PLXDC1: variants seen among roughly 807,000 people sequenced by gnomAD.
The protein encoded by PLXDC1 is plexin domain containing 1, also known as plexin domain-containing protein 1.
Under a neutral mutation model 61.3 loss-of-function variants are expected in PLXDC1, and 39 were observed. The observed-to-expected ratio is 0.64, with a 90% CI of 0.49 to 0.83. PLXDC1 has a LOEUF of 0.83. Ranked by LOEUF, PLXDC1 falls within the 40% of genes least tolerant of loss-of-function variation. PLXDC1 has a pLI of 0.00. For synonymous variants in PLXDC1, 212 were observed against 254.5 expected, an observed-to-expected ratio of 0.83 and a Z score of 1.59; for missense variants, 596 against 666.5, an observed-to-expected ratio of 0.89 and a Z score of 1.17.
rs1362127707 is a variant in PLXDC1 at position 39,112,449 on chromosome 17, TTTTC to T, written c.256-3062_256-3059del. Among the ~76,000 whole-genome samples the T allele has an allele frequency of 3.1e-4, 42 of 137,056 alleles. 1 individual carries two copies. The South Asian group carries it at 9.7e-3, about 32-fold the overall frequency. The allele number at this position is 137,056 out of a possible 152,430, so 89.9% of individuals were successfully genotyped here. ...TAGATGCTATTCAGCCCATCTTTTT[TTTTC>T]TTTCTTTTTTTTTTTTTTTTTTGAG... is the stretch of plus-strand genomic sequence containing the variant. On this transcript the variant is annotated intron_variant, in intron 2 of 13. Coordinates refer to ENST00000315392, the MANE Select transcript of PLXDC1 (RefSeq NM_020405.5).
intron 7 of PLXDC1, among the ~76,000 whole-genome samples, chr17:39,094,205 G>A (rs1910059820): frequency 2.0e-5 from 3 of 152,034 alleles, no homozygotes; most frequent in Non-Finnish European, 4.4e-5. Flanking sequence ...GGGGGCCTGG[G>A]AATATCTAGA....
At chr17:39,133,570 T>C (rs1355844657) in intron 2 of PLXDC1, among the ~76,000 whole-genome samples, 1 of 152,178 alleles carries the variant, frequency 6.6e-6, no homozygotes, top group Non-Finnish European at 1.5e-5. Flanking sequence ...GGCTCTCCTG[T>C]GCTTACATTC....
rs2045369566 is a variant in PLXDC1, at chr17:39,151,108, G to A, written c.76+254C>T. ...GGCCACATAGAGCCCCCTCTCCTAA[G>A]GTCCCTCCAGTATCCTTCCAGGAGA... On this transcript the variant is annotated intron_variant, in intron 1 of 13. Transcript: ENST00000315392. This position sits in a 1 kb window ranked among gnomAD's most constrained non-coding sequence, Gnocchi z 5.2. Among the ~76,000 whole-genome samples the A allele has an allele frequency of 1.3e-5, 2 of 152,164 alleles. No individual in the cohort carries two copies. The highest frequency in any genetic ancestry group is 2.9e-5 in the Non-Finnish European group (2 of 68,020).
intron 4 of PLXDC1, chr17:39,108,660 C>T (rs778429927): frequency 2.8e-5 from 16 of 563,406 alleles, no homozygotes; most frequent in Non-Finnish European, 4.8e-5. Context: ...ACAGGGCTGT[C>T]CACACTGACT....
chr17:39,110,986 T>C (rs1443990072), intron 2 of PLXDC1, among the ~76,000 whole-genome samples: 5 of 152,138 alleles, frequency 3.3e-5, no homozygotes, highest in Admixed American at 6.5e-5. Flanking sequence ...CACCTTGCTC[T>C]GTTCACAGGC....
intron 7 of PLXDC1, 77 bp downstream of exon 7, chr17:39,105,777 T>TC (rs1424649757): frequency 8.1e-6 from 7 of 862,878 alleles, no homozygotes; most frequent in African/African-American, 3.4e-5. Context: ...GCCACTGCCA[T>TC]CCCCCCAGCA....
chr17:39,085,285 C>T (rs1241127041), intron 8 of PLXDC1, among the ~76,000 whole-genome samples: 4 of 152,074 alleles, frequency 2.6e-5, no homozygotes, highest in African/African-American at 7.2e-5. Context: ...TTTTGTCTGC[C>T]GTGGTGTTGA....
At chr17:39,095,778 C>T (rs1359922638) in intron 7 of PLXDC1, among the ~76,000 whole-genome samples, 1 of 152,074 alleles carries the variant, frequency 6.6e-6, no homozygotes, top group African/African-American at 2.4e-5. Flanking sequence ...AATTCTCCTG[C>T]CTCAGCCTCC....
intron 7 of PLXDC1, among the ~76,000 whole-genome samples, chr17:39,095,389 A>ACCCCCCCCCCCCCCCCCC (rs1567759313): frequency 3.6e-4 from 2 of 5,614 alleles, no homozygotes; most frequent in Non-Finnish European, 7.7e-4. Context: ...CAACCCCCCA[A>ACCCCCCCCCCCCCCCCCC]GCCTGGGTTA....
At chr17:39,083,416 A>G in intron 9 of PLXDC1, 43 bp downstream of exon 9, 1 of 1,515,736 alleles carries the variant, frequency 6.6e-7, no homozygotes, top group Non-Finnish European at 9.1e-7. Context: ...CTTCCCCTCC[A>G]CAGTCGGCCA....
chr17:39,139,623 C>T lies in PLXDC1; in HGVS notation c.255+31G>A, dbSNP rs530268100. On this transcript the variant is annotated intron_variant, in intron 2 of 13. Coordinates refer to ENST00000315392, the MANE Select transcript of PLXDC1 (RefSeq NM_020405.5). ...GGTGAGACCTCCCCCACCCCCACTTCGCTCCCCCTCCATGTTCCTCCAGCA... is the reference window on the plus strand; with the variant it reads ...GGTGAGACCTCCCCCACCCCCACTTTGCTCCCCCTCCATGTTCCTCCAGCA... The T allele has an allele frequency of 2.7e-4, 402 of 1,494,668 alleles. 7 individuals are homozygous for T. In the South Asian group the frequency reaches 4.4e-3, roughly 16 times the overall value. The allele number at this position is 1,494,668 out of a possible 1,614,324, so 92.6% of individuals were successfully genotyped here.
chr17:39,086,337 G>T (rs562148425), intron 8 of PLXDC1, among the ~76,000 whole-genome samples: 2 of 152,234 alleles, frequency 1.3e-5, no homozygotes, highest in African/African-American at 4.8e-5. Context: ...ACCCCCTGGT[G>T]TCTGAGTCCT....
intron 7 of PLXDC1, among the ~76,000 whole-genome samples, chr17:39,091,622 T>C (rs1056779841): frequency 8.5e-5 from 13 of 152,080 alleles, no homozygotes; most frequent in African/African-American, 3.1e-4. Flanking sequence ...AGAGAGGAGA[T>C]GAGCTACAGC....
chr17:39,131,104 C>T (rs1055826416), intron 2 of PLXDC1, among the ~76,000 whole-genome samples: 31 of 152,132 alleles, frequency 2.0e-4, no homozygotes, highest in Non-Finnish European at 2.9e-5. Context: ...TAAATCAACT[C>T]TGTGAGATTG....
intron 4 of PLXDC1, 71 bp downstream of exon 4, chr17:39,108,832 AC>A: frequency 2.0e-6 from 2 of 999,092 alleles, no homozygotes; most frequent in Non-Finnish European, 1.6e-6. Flanking sequence ...CCAGTGAGCC[AC>A]CCCTGGGAGG....
rs185316700 is a variant in PLXDC1, at chr17:39,076,776, C to T, written c.1186+1137G>A. 3.0e-3 allele frequency among the ~76,000 whole-genome samples: 452 copies of T among 152,260 alleles called. 3 individuals are homozygous for T. In the Middle Eastern group the frequency reaches 0.041, roughly 14 times the overall value. Reference sequence around the variant, plus strand: ...TCTGAGACAGGGTCTTGCCCTGCCACCCAGGCTGGAGTGCAGTGGCACAAT... The same window carrying T: ...TCTGAGACAGGGTCTTGCCCTGCCATCCAGGCTGGAGTGCAGTGGCACAAT... On this transcript the variant is annotated intron_variant, in intron 11 of 13. Transcript: ENST00000315392.
intron 1 of PLXDC1, chr17:39,144,963 T>C (rs1912050293): frequency 6.6e-6 from 1 of 152,120 alleles, no homozygotes; most frequent in Non-Finnish European, 1.5e-5. Context: ...TCCCATGAAA[T>C]AGTTACTAGT....
intron 13 of PLXDC1, among the ~76,000 whole-genome samples, chr17:39,068,575 G>C (rs1908987783): frequency 6.6e-6 from 1 of 152,230 alleles, no homozygotes; most frequent in Non-Finnish European, 1.5e-5. Context: ...TACTCAGAAG[G>C]TTGAGGCACC....
chr17:39,137,772 G>T lies in PLXDC1; in HGVS notation c.255+1882C>A, dbSNP rs143173597. Among the ~76,000 whole-genome samples the T allele has an allele frequency of 6.4e-3, 981 of 152,122 alleles. 9 individuals carry two copies. The highest frequency in any genetic ancestry group is 9.9e-3 in the Non-Finnish European group (676 of 68,008). On this transcript the variant is annotated intron_variant, in intron 2 of 13. Transcript: ENST00000315392. ...TCAAGGGAACAGGGGATCCAACACA[G>T]GAGGGAGACAAAGGGGTTCCCAGGA...
Sources: gnomAD v4.1 joint callset for allele counts (sites outside exome capture counted in the v4.1 genomes callset) on GRCh38, gnomAD v4.1.1 for gene constraint, Gnocchi (gnomAD v3.1) non-coding constraint, MANE v1.5 for transcripts, NCBI Gene and HGNC (gene_info 2026-07-23, HGNC 2026-07-21) for gene names.